The following PCDHA10 variants were observed in gnomAD, a reference collection of about 807,000 sequenced individuals.
PCDHA10 encodes protocadherin alpha 10, also known as protocadherin alpha-10.
A neutral mutation model predicts 61.2 loss-of-function variants in PCDHA10; 45 were observed. The observed-to-expected ratio is 0.74, with a 90% CI of 0.58 to 0.94. PCDHA10 has a LOEUF of 0.94. Ranked by LOEUF, PCDHA10 falls within the 40% of genes least tolerant of loss-of-function variation. PCDHA10 has a pLI of 0.00. For missense variants in PCDHA10, 1,278 were observed against 1,236.2 expected (o/e 1.03, Z -0.51); for synonymous variants, 602 against 548.8 (o/e 1.10, Z -1.35).
chr5:140,987,336 A>G (rs2097249605), intron 3 of PCDHA10, among the ~76,000 whole-genome samples: 1 of 152,200 alleles, frequency 6.6e-6, no homozygotes, highest in Admixed American at 6.5e-5. Context: ...GAACTGGTCT[A>G]AGGTAAATAT....
Position 140,856,390 on chromosome 5 carries a change from G to C in PCDHA10, c.342G>C (p.Gln114His). Residue 114 changes from glutamine to histidine, a missense_variant, in exon 1 of 4, where the codon CAG becomes CAC. By Grantham distance (24) the Gln-to-His change is conservative. Transcript: ENST00000307360. ...AGGTGATCGTGGACAGGCCGCTGCA[G>C]GTTTTCCATGTGGACGTGGAAGTGA... ...HLEVIVDRPL[Q>H]VFHVDVEVKD... The C allele has an allele frequency of 6.3e-7, 1 of 1,598,554 alleles. No individual in the cohort carries two copies. The highest frequency in any genetic ancestry group is 1.1e-5 in the South Asian group (1 of 90,550).
chr5:140,946,019 C>CA (rs1222084270), intron 1 of PCDHA10, among the ~76,000 whole-genome samples: 3 of 151,732 alleles, frequency 2.0e-5, no homozygotes, highest in Non-Finnish European at 4.4e-5. Flanking sequence ...TCCTGCGCAG[C>CA]AAAGAAAACA....
chr5:140,871,255 A>G (rs201468806), intron 1 of PCDHA10: 9 of 1,613,976 alleles, frequency 5.6e-6, no homozygotes, highest in Non-Finnish European at 7.6e-6. Context: ...GCTGCTGTAT[A>G]CGGCGCTGTG....
intron 1 of PCDHA10, among the ~76,000 whole-genome samples, chr5:140,880,522 T>C (rs2058372712): frequency 6.6e-6 from 1 of 152,232 alleles, no homozygotes; most frequent in South Asian, 2.1e-4. Flanking sequence ...CATCTCTCAA[T>C]GTGTGAATCA....
Position 140,873,293 on chromosome 5 carries a change from A to G in PCDHA10, c.2388+14857A>G, listed in dbSNP as rs189607123. Reference sequence around the variant, plus strand: ...ACCATCATACCACTTATGAAACTTTATAAATATAATAAAGGTGAATATTAG... The same window carrying G: ...ACCATCATACCACTTATGAAACTTTGTAAATATAATAAAGGTGAATATTAG... On this transcript the variant is annotated intron_variant, in intron 1 of 3. Transcript: ENST00000307360. Among the ~76,000 whole-genome samples, 54 of 152,366 alleles carry G rather than the reference A, an allele frequency of 3.5e-4. No homozygotes were observed. In the East Asian group the frequency reaches 0.01, roughly 29 times the overall value.
chr5:140,870,130 A>T (rs781855370), intron 1 of PCDHA10: 2 of 1,613,866 alleles, frequency 1.2e-6, no homozygotes, highest in East Asian at 4.5e-5. Context: ...CTTGGACACC[A>T]ACGATAACTC....
chr5:140,935,257 C>A (rs1200153130), intron 1 of PCDHA10, among the ~76,000 whole-genome samples: 10 of 152,150 alleles, frequency 6.6e-5, no homozygotes, highest in South Asian at 4.1e-4. Context: ...AAATACATCA[C>A]ATGTTTATAC....
intron 1 of PCDHA10, among the ~76,000 whole-genome samples, chr5:140,940,004 A>AT (rs1326829458): frequency 2.6e-5 from 4 of 152,120 alleles, no homozygotes; most frequent in Admixed American, 1.3e-4. Context: ...GATTTTGTCA[A>AT]TTTTTTGTGT....
chr5:140,977,720 A>C (rs1156806702), intron 1 of PCDHA10, among the ~76,000 whole-genome samples: 1 of 152,202 alleles, frequency 6.6e-6, no homozygotes, highest in African/African-American at 2.4e-5. Flanking sequence ...GATGGTGATC[A>C]TTTCTCTCCT....
At chr5:140,909,327 G>A (rs2074440684) in intron 1 of PCDHA10, among the ~76,000 whole-genome samples, 1 of 152,216 alleles carries the variant, frequency 6.6e-6, no homozygotes. Context: ...CCAAATCAAT[G>A]GTTGCATACC....
chr5:140,951,659 C>A (rs1293655737), intron 1 of PCDHA10, among the ~76,000 whole-genome samples: 1 of 152,164 alleles, frequency 6.6e-6, no homozygotes, highest in Non-Finnish European at 1.5e-5. Context: ...CCCACCAGGG[C>A]CTGCCTACAA....
chr5:140,871,525 A>T, intron 1 of PCDHA10: 1 of 1,546,090 alleles, frequency 6.5e-7, no homozygotes, highest in Non-Finnish European at 8.7e-7. Flanking sequence ...ACCTATCAGG[A>T]AGTGTATGTG....
At chr5:140,924,762 G>A (rs1554202136) in intron 1 of PCDHA10, among the ~76,000 whole-genome samples, 1 of 151,856 alleles carries the variant, frequency 6.6e-6, no homozygotes, top group Non-Finnish European at 1.5e-5. Context: ...GAGCATGGTG[G>A]TGCGCGCTTG....
chr5:140,984,971 T>A (rs1437915679), intron 3 of PCDHA10, among the ~76,000 whole-genome samples: 1 of 152,080 alleles, frequency 6.6e-6, no homozygotes, highest in East Asian at 1.9e-4. Flanking sequence ...AGAGTCTCGC[T>A]CTGTCCCCCA....
In PCDHA10 at chr5:140,993,459, T is replaced by TTC. The variant is rs202191067; in HGVS notation, c.2536+10899_2536+10900dup. 1.1e-4 allele frequency among the ~76,000 whole-genome samples: 9 copies of TTC among 83,038 alleles called. No individual in the cohort carries two copies. The East Asian group carries it at 1.5e-3, about 13-fold the overall frequency. 54.5% of individuals were successfully genotyped at this position (83,038 alleles called of 152,430 possible). Reference sequence around the variant, plus strand: ...ATTCATTCCTGTTCTCCTTCTTTCTTTCTCACACACACACACACACACACA... The same window carrying TTC: ...ATTCATTCCTGTTCTCCTTCTTTCTTTCTCTCACACACACACACACACACACA... On this transcript the variant is annotated intron_variant, in intron 3 of 3. Coordinates refer to ENST00000307360, the MANE Select transcript of PCDHA10 (RefSeq NM_018901.4).
At chr5:140,883,871 G>A (rs1554180366) in intron 1 of PCDHA10, 2 of 1,613,242 alleles carry the variant, frequency 1.2e-6, no homozygotes, top group African/African-American at 2.7e-5. Context: ...GCAGTTCCAG[G>A]TGAGCGCGCG....
At position 140,924,716 on chromosome 5, in the gene PCDHA10, G is replaced by A. The variant is rs534222527; in HGVS notation, c.2389-54233G>A. On this transcript the variant is annotated intron_variant, in intron 1 of 3. Coordinates refer to ENST00000307360, the MANE Select transcript of PCDHA10 (RefSeq NM_018901.4). The stretch of plus-strand genomic sequence containing the variant: ...TCGAGACCAGCTTGTGCAACATGGC[G>A]AAACCTCACCTCTAATAAAAATACA... Among the ~76,000 whole-genome samples, 5 of 151,980 alleles carry A rather than the reference G, an allele frequency of 3.3e-5. No homozygotes were observed. The South Asian group carries it at 1.0e-3, about 32-fold the overall frequency.
At chr5:140,966,350 A>C in intron 1 of PCDHA10, 1 of 397,418 alleles carries the variant, frequency 2.5e-6, no homozygotes, top group Non-Finnish European at 4.4e-6. Flanking sequence ...GGTGAAGGAG[A>C]TGGGGCTGGA....
intron 1 of PCDHA10, among the ~76,000 whole-genome samples, chr5:140,925,950 A>G (rs2082820493): frequency 6.6e-6 from 1 of 152,030 alleles, no homozygotes. Flanking sequence ...GGAGAAGGAG[A>G]AACTGCTATC....
Sources: gnomAD v4.1 joint callset for allele counts (sites outside exome capture counted in the v4.1 genomes callset) on GRCh38, gnomAD v4.1.1 for gene constraint, MANE v1.5 for transcripts, NCBI Gene and HGNC (gene_info 2026-07-23, HGNC 2026-07-21) for gene names.